Variants in PWWP3A observed in about 807,000 individuals in gnomAD.
The protein encoded by PWWP3A is PWWP domain containing 3A, DNA repair factor.
In PWWP3A, 53 loss-of-function variants were observed where a neutral mutation model predicts 79.0. That is an observed-to-expected ratio of 0.67 (90% CI 0.54 to 0.84). The LOEUF is 0.84. PWWP3A is among the 40% of genes least tolerant of loss of function. PWWP3A has a pLI of 0.00. For synonymous variants in PWWP3A, 443 were observed against 394.4 expected, an observed-to-expected ratio of 1.12 and a Z score of -1.46; for missense variants, 973 against 948.0, an observed-to-expected ratio of 1.03 and a Z score of -0.35.
chr19:1,360,512 T>A lies in PWWP3A; in HGVS notation c.591T>A (p.Gly197=), dbSNP rs141072270. Residue 197 remains glycine, a synonymous_variant, in exon 5 of 14, where the codon GGT becomes GGA. Coordinates refer to ENST00000591337, the MANE Select transcript of PWWP3A (RefSeq NM_001369789.1). This position sits in a 1 kb window ranked among gnomAD's most constrained non-coding sequence, Gnocchi z 4.4. ...CGTTGGTCCTCCCAGCTGGAGGTGG[T>A]GCCCAAGATGAGAGTGGGTCCAGAA... ...RGPLVLPAGG[G]AQDESGSRIH... The A allele has an allele frequency of 3.6e-4, 577 of 1,614,072 alleles. No homozygotes were observed. The highest frequency in any genetic ancestry group is 4.6e-4 in the Non-Finnish European group (547 of 1,180,036).
intron 13 of PWWP3A, 55 bp from the exon 14 acceptor site, chr19:1,376,462 CAT>C (rs2082404099): frequency 1.3e-6 from 2 of 1,577,864 alleles, no homozygotes; most frequent in East Asian, 4.5e-5. Context: ...TCCTCTCTCT[CAT>C]ATTCTTTAAC....
chr19:1,372,156 G>A (rs1415871111), intron 12 of PWWP3A: 1 of 152,236 alleles, frequency 6.6e-6, no homozygotes, highest in Non-Finnish European at 1.5e-5. Context: ...TAAAAGGAGG[G>A]TGATTCTGCC....
Position 1,356,432 on chromosome 19 carries a change from C to T in PWWP3A, c.40C>T (p.Arg14Ter), listed in dbSNP as rs2081868528. 1 of 1,614,094 alleles carries T rather than the reference C, an allele frequency of 6.2e-7. No homozygotes were observed. The highest frequency in any genetic ancestry group is 8.5e-7 in the Non-Finnish European group (1 of 1,179,994). The change falls in exon 2 of 14, where the codon CGA (arginine) becomes TGA (stop). Residue 14 changes from arginine to a stop codon, truncating the protein, a stop_gained. Transcript: ENST00000591337. LOFTEE classifies it high-confidence loss of function. The part of the protein sequence containing the change: ...AKYVLCRWEK[R>*]LWPAKVLART... ...GTATGTCCTCTGCCGATGGGAAAAG[C>T]GATTATGGCCTGCGAAGGTGACAGC...
chr19:1,368,751 C>G lies in PWWP3A; in HGVS notation c.1423-514C>G, dbSNP rs1481809982. On this transcript the variant is annotated intron_variant, in intron 9 of 13. Transcript: ENST00000591337. The surrounding 1 kb of genome is among the most constrained non-coding windows in gnomAD (Gnocchi z 4.7). ...CTCCCAACAAAAACGGCTGTTAGAG[C>G]AGCTTATTTCCAGGACTTGATGTCC... Among the ~76,000 whole-genome samples, 1 of 152,260 alleles carries G rather than the reference C, an allele frequency of 6.6e-6. No homozygotes were observed. Among genetic ancestry groups the G allele is most frequent in the African/African-American group, 2.4e-5 (1 of 41,474 alleles).
chr19:1,366,419 G>A, intron 8 of PWWP3A, 38 bp downstream of exon 8: 1 of 1,586,460 alleles, frequency 6.3e-7, no homozygotes, highest in South Asian at 1.1e-5. Flanking sequence ...ATGGGCCTGA[G>A]GGGCCAGGCC....
At chr19:1,362,082 TGTA>T (rs202174363) in intron 5 of PWWP3A, 165 bp from the exon 6 acceptor site, 11,038 of 446,284 alleles carry the variant, frequency 0.025, 188 homozygotes, top group Non-Finnish European at 0.035. Context: ...TTCTTTAAAA[TGTA>T]GTTTATTAGA....
At chr19:1,362,399 GGCA>G in intron 6 of PWWP3A, 48 bp downstream of exon 6, 1 of 1,488,920 alleles carries the variant, frequency 6.7e-7, no homozygotes, top group Non-Finnish European at 9.2e-7. Context: ...TGCGCTCAGA[GGCA>G]GCGGCGGCGG....
intron 3 of PWWP3A, chr19:1,357,388 A>AG (rs2081898235): frequency 5.5e-6 from 1 of 182,156 alleles, no homozygotes; most frequent in African/African-American, 2.5e-5. Flanking sequence ...TGGTTAAAAT[A>AG]GGGATATTTC....
intron 9 of PWWP3A, 123 bp downstream of exon 9, chr19:1,367,343 T>G (rs1050292420): frequency 2.4e-6 from 2 of 819,448 alleles, no homozygotes; most frequent in East Asian, 5.1e-5. Flanking sequence ...TTGTGGGAAG[T>G]AGCAGAGCCA....
rs759117258 is a variant in PWWP3A at position 1,360,581 on chromosome 19, C to G, written c.660C>G (p.Asn220Lys). Residue 220 changes from asparagine to lysine, a missense_variant, in exon 5 of 14, where the codon AAC becomes AAG. Transcript: ENST00000591337. The surrounding 1 kb of genome is among the most constrained non-coding windows in gnomAD (Gnocchi z 4.4). The part of the protein sequence containing the change: ...NWTLASKRGG[N>K]SAQKASLCLN... ...CTCTTGCAAGTAAGAGGGGAGGAAA[C>G]TCAGCGCAGAAGGCTAGCTTGTGCC... 3.7e-6 allele frequency: 6 copies of G among 1,614,216 alleles called. No homozygotes were observed. The South Asian group carries it at 6.6e-5, about 18-fold the overall frequency.
chr19:1,376,777 A>C lies in PWWP3A; in HGVS notation c.*201A>C, dbSNP rs1006948218. 1.2e-5 allele frequency: 6 copies of C among 488,288 alleles called. No individual in the cohort carries two copies. Among genetic ancestry groups the C allele is most frequent in the African/African-American group, 1.2e-4 (6 of 50,102 alleles). The allele number at this position is 488,288 out of a possible 1,614,324, so 30.2% of individuals were successfully genotyped here. A position where few individuals can be genotyped will look rare whatever the true frequency, so the allele number is the denominator to read the frequency against. On this transcript the variant is annotated 3_prime_UTR_variant, in exon 14 of 14. Coordinates refer to ENST00000591337, the MANE Select transcript of PWWP3A (RefSeq NM_001369789.1). The stretch of plus-strand genomic sequence containing the variant: ...TGAAAGCCAGTTCTCTTTTCCTGGC[A>C]GTTTTTTTCATTTTATTTTTGGCAT...
intron 8 of PWWP3A, 142 bp from the exon 9 acceptor site, chr19:1,367,018 G>C: frequency 1.5e-6 from 1 of 648,668 alleles, no homozygotes; most frequent in African/African-American, 1.8e-5. Flanking sequence ...TGGCAGCTGG[G>C]GAAACGGTCA....
Position 1,369,269 on chromosome 19 carries a change from A to T in PWWP3A, c.1427A>T (p.Gln476Leu). The T allele has an allele frequency of 1.9e-6, 3 of 1,614,072 alleles. No homozygotes were observed. Among genetic ancestry groups the T allele is most frequent in the African/African-American group, 2.7e-5 (2 of 75,036 alleles). Residue 476 changes from glutamine to leucine, a missense_variant, in exon 10 of 14, where the codon CAA (glutamine) becomes CTA (leucine). Physicochemically the swap from Gln to Leu is moderately radical, Grantham distance 113. Coordinates refer to ENST00000591337, the MANE Select transcript of PWWP3A (RefSeq NM_001369789.1). This position sits in a 1 kb window ranked among gnomAD's most constrained non-coding sequence, Gnocchi z 4.0. ...DCKEKQTLLN[Q>L]AREDFNQDIG... ...GCTGCCCGGATCTCATTGTAGAATC[A>T]AGCCAGGGAGGACTTCAACCAGGAC...
intron 3 of PWWP3A, 40 bp downstream of exon 3, chr19:1,357,134 T>C (rs150151271): frequency 1.3e-6 from 2 of 1,495,972 alleles, no homozygotes; most frequent in Non-Finnish European, 1.8e-6. Context: ...TTTTCCCGTG[T>C]AGATTTCTGA....
rs1463827659 is a variant in PWWP3A, at chr19:1,358,370, G to A, written c.144-24G>A. ...TCTTGGCGGCGTTGGCTGGTGGTGT[G>A]TAACGTCGATTTTGTCTCTGCAGAA... On this transcript the variant is annotated intron_variant, in intron 3 of 13. Transcript: ENST00000591337. 7 of 1,606,340 alleles carry A rather than the reference G, an allele frequency of 4.4e-6. No individual in the cohort carries two copies. The Admixed American group carries it at 5.0e-5, about 12-fold the overall frequency.
At chr19:1,355,371 A>C in intron 1 of PWWP3A, among the ~76,000 whole-genome samples, 1 of 148,970 alleles carries the variant, frequency 6.7e-6, no homozygotes, top group African/African-American at 2.5e-5. Flanking sequence ...TCTTGCTTGG[A>C]CCCGCTCCCC....
intron 12 of PWWP3A, chr19:1,371,619 T>C: frequency 1.7e-6 from 1 of 581,466 alleles, no homozygotes; most frequent in East Asian, 2.9e-5. Flanking sequence ...GAAGTTTGTA[T>C]CTGAAATTTC....
intron 13 of PWWP3A, chr19:1,374,364 A>G (rs1359521899): frequency 6.6e-6 from 1 of 152,134 alleles, no homozygotes; most frequent in Non-Finnish European, 1.5e-5. Context: ...GCTCAAAATA[A>G]CAAGCCAGTG....
rs763478691 is a variant in PWWP3A, at chr19:1,370,761, C to T, written c.1669C>T (p.Arg557Trp). Residue 557 changes from arginine to tryptophan, a missense_variant, in exon 12 of 14, where the codon CGG (arginine) becomes TGG (tryptophan). Coordinates refer to ENST00000591337, the MANE Select transcript of PWWP3A (RefSeq NM_001369789.1). Reference protein sequence around the residue: ...GCPLGQRQPCRKMLPDRSRAA... With the variant: ...GCPLGQRQPCWKMLPDRSRAA... ...CCCCCTGGGGCAGAGGCAGCCCTGC[C>T]GGAAAATGCTCCCCGACCGCTCGCG... 1.3e-5 allele frequency: 20 copies of T among 1,508,496 alleles called. No homozygotes were observed. The highest frequency in any genetic ancestry group is 1.7e-5 in the Non-Finnish European group (19 of 1,124,108). The allele number at this position is 1,508,496 out of a possible 1,614,324, so 93.4% of individuals were successfully genotyped here.
Sources: gnomAD v4.1 joint callset for allele counts (sites outside exome capture counted in the v4.1 genomes callset) on GRCh38, gnomAD v4.1.1 for gene constraint, Gnocchi (gnomAD v3.1) non-coding constraint, MANE v1.5 for transcripts, NCBI Gene and HGNC (gene_info 2026-07-23, HGNC 2026-07-21) for gene names.